COX10: variants seen among roughly 807,000 people sequenced by gnomAD.
The protein encoded by COX10 is cytochrome c oxidase assembly factor heme A:farnesyltransferase COX10, also known as protoheme IX farnesyltransferase, mitochondrial.
Under a neutral mutation model 37.3 loss-of-function variants are expected in COX10, and 27 were observed. The ratio of observed to expected loss-of-function variants is 0.72; its 90% CI spans 0.53 to 1.00. The LOEUF (loss-of-function observed/expected upper bound fraction) is 1.00. Ranked by LOEUF, COX10 falls within the 50% of genes least tolerant of loss-of-function variation. The probability of loss-of-function intolerance (pLI) is 0.00; values close to 1 mark genes in which losing one functional copy is unlikely to be tolerated. For synonymous variants in COX10, 222 were observed against 229.1 expected (o/e 0.97, Z 0.28); for missense variants, 475 against 563.2 (o/e 0.84, Z 1.59).
chr17:14,174,300 A>T (rs920570915), intron 5 of COX10, among the ~76,000 whole-genome samples: 3 of 151,824 alleles, frequency 2.0e-5, no homozygotes, highest in Non-Finnish European at 4.4e-5. Flanking sequence ...TCTTTACAAA[A>T]TTTTTTTAAA....
At chr17:14,187,494 T>C (rs1430473378) in intron 5 of COX10, among the ~76,000 whole-genome samples, 1 of 152,178 alleles carries the variant, frequency 6.6e-6, no homozygotes, top group Non-Finnish European at 1.5e-5. Context: ...AAAACCACAA[T>C]TTAGCATATT....
At position 14,207,937 on chromosome 17, in the gene COX10, G is replaced by T. The variant is rs1271990818; in HGVS notation, c.*724G>T. On this transcript the variant is annotated 3_prime_UTR_variant, in exon 7 of 7. Coordinates refer to ENST00000261643, the MANE Select transcript of COX10 (RefSeq NM_001303.4). ...TCACGTTAACATATAGACACTGTTG[G>T]AAGCAGTTCCTTCTAAAAGGGTAGC... 6.6e-6 allele frequency: 1 copy of T among 152,324 alleles called. No homozygotes were observed. 9.4% of individuals were successfully genotyped at this position (152,324 alleles called of 1,614,324 possible). A position where few individuals can be genotyped will look rare whatever the true frequency, so the allele number is the denominator to read the frequency against.
chr17:14,084,213 T>C (rs1340515830), intron 3 of COX10, among the ~76,000 whole-genome samples: 4 of 152,204 alleles, frequency 2.6e-5, no homozygotes, highest in Non-Finnish European at 5.9e-5. Context: ...GAATATGAAT[T>C]GAGTGAATTA....
At chr17:14,076,111 CTTTT>C (rs376434284) in intron 2 of COX10, among the ~76,000 whole-genome samples, 1 of 103,254 alleles carries the variant, frequency 9.7e-6, no homozygotes, top group Non-Finnish European at 1.8e-5. Flanking sequence ...TCTTTTTTGT[CTTTT>C]TTTTTTTTTT....
intron 3 of COX10, among the ~76,000 whole-genome samples, chr17:14,095,812 C>T (rs1915637123): frequency 6.6e-6 from 1 of 152,160 alleles, no homozygotes; most frequent in Non-Finnish European, 1.5e-5. Context: ...ATGGCTTGCT[C>T]TTAGCTCCTG....
At chr17:14,201,419 T>C (rs1188927339) in intron 6 of COX10, among the ~76,000 whole-genome samples, 1 of 152,210 alleles carries the variant, frequency 6.6e-6, no homozygotes, top group South Asian at 2.1e-4. Flanking sequence ...ATTTGTGACA[T>C]GAGCCAAACC....
At chr17:14,074,850 A>G (rs1303954841) in intron 2 of COX10, among the ~76,000 whole-genome samples, 1 of 152,242 alleles carries the variant, frequency 6.6e-6, no homozygotes, top group Non-Finnish European at 1.5e-5. Flanking sequence ...TTAAATCAGC[A>G]GTACATTTAA....
At chr17:14,090,179 C>A (rs941607751) in intron 3 of COX10, among the ~76,000 whole-genome samples, 2 of 151,954 alleles carry the variant, frequency 1.3e-5, no homozygotes, top group Non-Finnish European at 2.9e-5. Flanking sequence ...TCGAGGGAAG[C>A]AAATGATTGC....
chr17:14,189,263 G>A (rs937174473), intron 5 of COX10, among the ~76,000 whole-genome samples: 6 of 152,006 alleles, frequency 3.9e-5, no homozygotes, highest in African/African-American at 1.2e-4. Flanking sequence ...CAATTGAGAC[G>A]TCTATGGTAT....
chr17:14,205,596 C>T (rs72816696), intron 6 of COX10, among the ~76,000 whole-genome samples: 4 of 151,884 alleles, frequency 2.6e-5, no homozygotes, highest in African/African-American at 4.8e-5. Flanking sequence ...ATTTTTTGCG[C>T]GAGTACTCAG....
At chr17:14,124,215 A>G (rs888414513) in intron 4 of COX10, among the ~76,000 whole-genome samples, 2 of 152,180 alleles carry the variant, frequency 1.3e-5, no homozygotes, top group African/African-American at 4.8e-5. Context: ...TTTTTTAATG[A>G]TAGAAAGAAT....
At chr17:14,089,272 C>T (rs970599693) in intron 3 of COX10, among the ~76,000 whole-genome samples, 1 of 152,208 alleles carries the variant, frequency 6.6e-6, no homozygotes, top group African/African-American at 2.4e-5. Flanking sequence ...TCTGTGACTA[C>T]CACCACATAT....
At chr17:14,152,423 C>G (rs113469748) in intron 4 of COX10, among the ~76,000 whole-genome samples, 1 of 152,094 alleles carries the variant, frequency 6.6e-6, no homozygotes, top group African/African-American at 2.4e-5. Context: ...TGGGGGAAAC[C>G]GCTACCATGA....
intron 5 of COX10, among the ~76,000 whole-genome samples, chr17:14,180,965 G>GA (rs1905840723): frequency 6.6e-6 from 1 of 152,104 alleles, no homozygotes; most frequent in Non-Finnish European, 1.5e-5. Flanking sequence ...TCACTTCACT[G>GA]AAAAAACACA....
Position 14,069,555 on chromosome 17 carries a change from T to A in COX10, c.-51T>A, listed in dbSNP as rs764146678. Reference sequence around the variant, plus strand: ...GAAGATGGCGGCGCCCAGCGTCCCGTGAGGAGAGAGGACACAGGGATCCCG... The same window carrying A: ...GAAGATGGCGGCGCCCAGCGTCCCGAGAGGAGAGAGGACACAGGGATCCCG... On this transcript the variant is annotated 5_prime_UTR_variant, in exon 1 of 7. It removes the in-frame stop codon of an upstream open reading frame in the 5' UTR. Coordinates refer to ENST00000261643, the MANE Select transcript of COX10 (RefSeq NM_001303.4). 1 of 1,608,590 alleles carries A rather than the reference T, an allele frequency of 6.2e-7. No individual in the cohort carries two copies. The highest frequency in any genetic ancestry group is 1.7e-5 in the Admixed American group (1 of 59,822).
intron 6 of COX10, among the ~76,000 whole-genome samples, chr17:14,203,340 T>C (rs1261351288): frequency 6.6e-6 from 1 of 152,082 alleles, no homozygotes; most frequent in Non-Finnish European, 1.5e-5. Flanking sequence ...TTTGTTATAT[T>C]TCCTCCCATA....
chr17:14,088,827 G>T (rs1915467353), intron 3 of COX10, among the ~76,000 whole-genome samples: 1 of 152,120 alleles, frequency 6.6e-6, no homozygotes, highest in Non-Finnish European at 1.5e-5. Context: ...TTAGCTTGTG[G>T]TTTTTGTCCT....
chr17:14,073,442 C>T (rs1328228907), intron 1 of COX10, among the ~76,000 whole-genome samples: 2 of 152,128 alleles, frequency 1.3e-5, no homozygotes, highest in African/African-American at 4.8e-5. Context: ...GAGAATAAAA[C>T]ACTCTTAAAG....
chr17:14,157,786 T>C (rs976750271), intron 4 of COX10, among the ~76,000 whole-genome samples: 1 of 152,204 alleles, frequency 6.6e-6, no homozygotes, highest in African/African-American at 2.4e-5. Context: ...GCTGCAGCAG[T>C]GCCCAGGAAG....
Sources: allele counts gnomAD v4.1 joint callset (sites outside exome capture counted in the v4.1 genomes callset), GRCh38; gene constraint gnomAD v4.1.1; transcripts MANE v1.5; gene names NCBI Gene and HGNC (gene_info 2026-07-23, HGNC 2026-07-21).